Variants in RAP1GAP2 observed in about 807,000 individuals in gnomAD.
RAP1GAP2 encodes rap1 GTPase-activating protein 2.
Under a neutral mutation model 95.0 loss-of-function variants are expected in RAP1GAP2, and 27 were observed. The observed-to-expected ratio is 0.28, with a 90% confidence interval of 0.21 to 0.39. The LOEUF (loss-of-function observed/expected upper bound fraction) is 0.39. Among genes scored for constraint, RAP1GAP2 ranks in the 10% least tolerant of loss-of-function variants. The pLI is 1.00. For missense variants in RAP1GAP2, 771 were observed against 970.0 expected (o/e 0.79, Z 2.72); for synonymous variants, 373 against 380.9 (o/e 0.98, Z 0.24).
At chr17:2,831,079 T>C (rs1351108016) in intron 2 of RAP1GAP2, among the ~76,000 whole-genome samples, 1 of 74,612 alleles carries the variant, frequency 1.3e-5, no homozygotes, top group African/African-American at 7.4e-5. Context: ...CTCTTTCTTT[T>C]TCTTTCTTTC....
intron 3 of RAP1GAP2, among the ~76,000 whole-genome samples, chr17:2,940,669 G>T (rs2043461366): frequency 1.3e-5 from 2 of 152,196 alleles, no homozygotes; most frequent in Admixed American, 1.3e-4. Flanking sequence ...CACTGTCCCT[G>T]CAGGCTCTGC....
intron 13 of RAP1GAP2, among the ~76,000 whole-genome samples, chr17:2,996,794 G>A (rs562186073): frequency 9.2e-5 from 14 of 152,334 alleles, no homozygotes; most frequent in African/African-American, 2.6e-4. Flanking sequence ...GGAAAGATGC[G>A]CGTGGAGTAA....
rs1465101420 is a variant in RAP1GAP2 at position 2,883,837 on chromosome 17, GT to G, written c.81-21446del. ...TCAAGGCTGTGACCCAGATAGGGAG[GT>G]GGGTGACCCTTTCTGCCTATTCCCT... On this transcript the variant is annotated intron_variant, in intron 2 of 24. Coordinates refer to ENST00000254695, the MANE Select transcript of RAP1GAP2 (RefSeq NM_015085.5). 5.9e-5 allele frequency among the ~76,000 whole-genome samples: 9 copies of G among 152,250 alleles called. No homozygotes were observed. The East Asian group carries it at 1.5e-3, about 26-fold the overall frequency.
intron 1 of RAP1GAP2, among the ~76,000 whole-genome samples, chr17:2,762,125 C>T (rs2071264947): frequency 6.6e-6 from 1 of 150,730 alleles, no homozygotes; most frequent in Non-Finnish European, 1.5e-5. Flanking sequence ...GTAGCTGGGA[C>T]TACAGGCGCC....
At chr17:2,919,384 G>T (rs764726701) in intron 3 of RAP1GAP2, among the ~76,000 whole-genome samples, 3 of 152,236 alleles carry the variant, frequency 2.0e-5, no homozygotes, top group Middle Eastern at 3.2e-3. Flanking sequence ...ACTGAGTCGA[G>T]ACTTGGATAA....
chr17:2,940,705 C>G (rs547944147), intron 3 of RAP1GAP2, among the ~76,000 whole-genome samples: 1 of 152,204 alleles, frequency 6.6e-6, no homozygotes, highest in African/African-American at 2.4e-5. Flanking sequence ...CTTTGGCAGA[C>G]CCTTTGTGCC....
At chr17:2,909,602 C>T (rs2042305631) in intron 3 of RAP1GAP2, among the ~76,000 whole-genome samples, 1 of 152,220 alleles carries the variant, frequency 6.6e-6, no homozygotes. Flanking sequence ...CTGCGCTCTC[C>T]CATGACAGGC....
chr17:2,852,890 C>T lies in RAP1GAP2; in HGVS notation c.80+52340C>T, dbSNP rs752106144. Among the ~76,000 whole-genome samples the T allele has an allele frequency of 1.1e-3, 166 of 152,218 alleles. 1 individual carries two copies. Among genetic ancestry groups the T allele is most frequent in the Non-Finnish European group, 1.9e-3 (130 of 68,034 alleles). On this transcript the variant is annotated intron_variant, in intron 2 of 24. Coordinates refer to ENST00000254695, the MANE Select transcript of RAP1GAP2 (RefSeq NM_015085.5). ...GGAGCCGGCGCGACCTTCCGACCTT[C>T]CGACCTTCCGCCCTTCCTTTCCGAA...
chr17:2,852,263 C>A (rs2071885855), intron 2 of RAP1GAP2, among the ~76,000 whole-genome samples: 1 of 151,648 alleles, frequency 6.6e-6, no homozygotes, highest in South Asian at 2.1e-4. Context: ...CCGGGTCATT[C>A]AAATCTCTAG....
chr17:2,859,108 CTTTTTTT>C (rs773356177), intron 2 of RAP1GAP2, among the ~76,000 whole-genome samples: 1 of 130,500 alleles, frequency 7.7e-6, no homozygotes, highest in African/African-American at 2.8e-5. Context: ...TCCTCCAACT[CTTTTTTT>C]TTTTTTTTTT....
At chr17:2,980,501 C>G in intron 9 of RAP1GAP2, 136 bp downstream of exon 9, 1 of 831,890 alleles carries the variant, frequency 1.2e-6, no homozygotes, top group Non-Finnish European at 2.0e-6. Flanking sequence ...TGGCCATTGA[C>G]TGCACTGATA....
rs373096678 is a variant in RAP1GAP2, at chr17:3,026,955, G to A, written c.1992G>A (p.Pro664=). ...GCCTCTCTCCTCAGGGCAGCCAGCC[G>A]TCCACGACCTCACCCTTCAAGCAGG... ...MEEGDSGGSQ[P]STTSPFKQEV... The change falls in exon 22 of 25, where the codon CCG becomes CCA. Residue 664 remains proline (P), a synonymous_variant. Coordinates refer to ENST00000254695, the MANE Select transcript of RAP1GAP2 (RefSeq NM_015085.5). 1.1e-5 allele frequency: 17 copies of A among 1,552,184 alleles called. No homozygotes were observed. Among genetic ancestry groups the A allele is most frequent in the South Asian group, 1.1e-4 (9 of 84,090 alleles).
At chr17:3,032,509 A>G in intron 24 of RAP1GAP2, 60 bp downstream of exon 24, 1 of 1,495,300 alleles carries the variant, frequency 6.7e-7, no homozygotes, top group East Asian at 2.3e-5. Context: ...CTTTTAGATC[A>G]GGGAACTAGA....
At chr17:2,856,539 G>A (rs1358916522) in intron 2 of RAP1GAP2, among the ~76,000 whole-genome samples, 2 of 152,170 alleles carry the variant, frequency 1.3e-5, no homozygotes, top group African/African-American at 4.8e-5. Context: ...TCAGATGTCC[G>A]GTGGTGACAG....
intron 12 of RAP1GAP2, among the ~76,000 whole-genome samples, chr17:2,991,932 G>A (rs2045770107): frequency 6.6e-6 from 1 of 151,176 alleles, no homozygotes; most frequent in African/African-American, 2.4e-5. Flanking sequence ...GCCCAGCTAA[G>A]GTTTTTGTAT....
intron 2 of RAP1GAP2, among the ~76,000 whole-genome samples, chr17:2,884,761 G>A (rs1049584311): frequency 1.3e-5 from 2 of 152,092 alleles, no homozygotes; most frequent in Non-Finnish European, 2.9e-5. Flanking sequence ...AGCCTCAGCC[G>A]ACTCATCTAT....
intron 10 of RAP1GAP2, among the ~76,000 whole-genome samples, chr17:2,983,405 A>G (rs989339161): frequency 5.9e-5 from 9 of 152,132 alleles, no homozygotes; most frequent in Admixed American, 3.9e-4. Flanking sequence ...GTGCGTTGAC[A>G]TGCTTCAGTT....
intron 1 of RAP1GAP2, among the ~76,000 whole-genome samples, chr17:2,765,349 G>T (rs912046447): frequency 6.6e-6 from 1 of 152,030 alleles, no homozygotes; most frequent in Non-Finnish European, 1.5e-5. Flanking sequence ...AGCCGGGAGT[G>T]GTAGCTAACA....
At chr17:2,899,371 T>A (rs917030780) in intron 2 of RAP1GAP2, among the ~76,000 whole-genome samples, 1 of 152,022 alleles carries the variant, frequency 6.6e-6, no homozygotes, top group Non-Finnish European at 1.5e-5. Flanking sequence ...CACACCTGGC[T>A]AATTTTTTAA....
Sources: gnomAD v4.1 joint callset for allele counts (sites outside exome capture counted in the v4.1 genomes callset) on GRCh38, gnomAD v4.1.1 for gene constraint, MANE v1.5 for transcripts, NCBI Gene and HGNC (gene_info 2026-07-23, HGNC 2026-07-21) for gene names.